GRTP1: variants seen among roughly 807,000 people sequenced by gnomAD.
GRTP1 encodes growth hormone-regulated TBC protein 1.
In GRTP1, 56 loss-of-function variants were observed where a neutral mutation model predicts 38.1. That is an observed-to-expected ratio of 1.47 (90% CI 1.19 to 1.84). The LOEUF is 1.84. Ranked by LOEUF, GRTP1 falls within the 40% of genes most tolerant of loss-of-function variation. The pLI, the probability that GRTP1 is intolerant of heterozygous loss-of-function variation, is 0.00. For synonymous variants in GRTP1, 217 were observed against 189.5 expected, an observed-to-expected ratio of 1.14 and a Z score of -1.19; for missense variants, 506 against 453.9, an observed-to-expected ratio of 1.11 and a Z score of -1.04.
In GRTP1 at chr13:113,342,836, C is replaced by A. The variant is rs1205542166; in HGVS notation, c.562+2027G>T. ...ACTTTCTTTTCTTTTTGAATCCAGA[C>A]CTATTTGCATTGCAGTTTCGTTCAA... On this transcript the variant is annotated intron_variant, in intron 5 of 7. Transcript: ENST00000375431. The surrounding 1 kb of genome is among the most constrained non-coding windows in gnomAD (Gnocchi z 4.5). 6.6e-6 allele frequency among the ~76,000 whole-genome samples: 1 copy of A among 152,142 alleles called. No homozygotes were observed. The highest frequency in any genetic ancestry group is 2.4e-5 in the African/African-American group (1 of 41,426).
At chr13:113,328,096 A>T (rs992838500) in intron 5 of GRTP1, among the ~76,000 whole-genome samples, 2 of 152,196 alleles carry the variant, frequency 1.3e-5, no homozygotes, top group African/African-American at 4.8e-5. Flanking sequence ...GAAGGGGCTC[A>T]TCCCTCAGGC....
rs1720934554 is a variant in GRTP1 at position 113,326,051 on chromosome 13, C to A, written c.603G>T (p.Gln201His). Residue 201 changes from glutamine to histidine, a missense_variant, in exon 6 of 8, where the codon CAG becomes CAT. Transcript: ENST00000375431. ...SPAMLGLKTDQEVLGELVRAK... is the reference protein window; with the variant it reads ...SPAMLGLKTDHEVLGELVRAK... The stretch of plus-strand genomic sequence containing the variant: ...CCCGCACCAGCTCCCCGAGGACCTC[C>A]TGGTCGGTCTTCAGGCCCAGCATGG... 6.8e-6 allele frequency: 11 copies of A among 1,612,468 alleles called. No homozygotes were observed. Among genetic ancestry groups the A allele is most frequent in the Non-Finnish European group, 9.3e-6 (11 of 1,179,966 alleles).
Position 113,343,782 on chromosome 13 carries a change from T to G in GRTP1, c.562+1081A>C, listed in dbSNP as rs962810142. On this transcript the variant is annotated intron_variant, in intron 5 of 7. Transcript: ENST00000375431. The surrounding 1 kb of genome is among the most constrained non-coding windows in gnomAD (Gnocchi z 4.8). ...CCCCCAGGCTCCAAACACTGGGGAC[T>G]GGCCCGGCTGCCCCTCACGTCTCCT... is the stretch of plus-strand genomic sequence containing the variant. Among the ~76,000 whole-genome samples the G allele has an allele frequency of 1.2e-4, 19 of 152,200 alleles. No individual in the cohort carries two copies. Among genetic ancestry groups the G allele is most frequent in the African/African-American group, 4.6e-4 (19 of 41,454 alleles).
At chr13:113,352,289 T>C (rs1243904871) in intron 3 of GRTP1, among the ~76,000 whole-genome samples, 4 of 60,796 alleles carry the variant, frequency 6.6e-5, no homozygotes, top group East Asian at 1.2e-3. Context: ...TATTTATATA[T>C]ATTTATATAT....
Position 113,324,361 on chromosome 13 carries a change from CAACT to C in GRTP1, c.*123_*126del. On this transcript the variant is annotated 3_prime_UTR_variant, in exon 8 of 8. Transcript: ENST00000375431. ...TTAAACTGCTCTTTTAAAAAATTCA[CAACT>C]AAAGTGTAGTGATGTCAAGTATTTA... 1 of 1,317,200 alleles carries C rather than the reference CAACT, an allele frequency of 7.6e-7. No homozygotes were observed. The highest frequency in any genetic ancestry group is 9.8e-7 in the Non-Finnish European group (1 of 1,022,552). 81.6% of individuals were successfully genotyped at this position (1,317,200 alleles called of 1,614,324 possible).
chr13:113,358,363 T>C (rs1192534358), intron 2 of GRTP1, among the ~76,000 whole-genome samples: 2 of 152,310 alleles, frequency 1.3e-5, no homozygotes, highest in Middle Eastern at 3.4e-3. Flanking sequence ...TGTTCACAGA[T>C]TGCAAGGCTC....
intron 4 of GRTP1, 148 bp downstream of exon 4, chr13:113,350,701 A>C: frequency 1.4e-6 from 1 of 716,160 alleles, no homozygotes; most frequent in Non-Finnish European, 2.2e-6. Context: ...CCTGCTGGGA[A>C]ATGGCGTCCG....
At chr13:113,352,678 T>C (rs1363770598) in intron 3 of GRTP1, among the ~76,000 whole-genome samples, 1 of 152,160 alleles carries the variant, frequency 6.6e-6, no homozygotes, top group African/African-American at 2.4e-5. Context: ...ACTAAGTTTC[T>C]TGATATGTTT....
chr13:113,324,809 G>A lies in GRTP1; in HGVS notation c.922-232C>T, dbSNP rs2042734785. On this transcript the variant is annotated intron_variant, in intron 7 of 7. Transcript: ENST00000375431. The stretch of plus-strand genomic sequence containing the variant: ...AAATGAATCAAACGGTGGAAGAAAA[G>A]GCCATCTGCTTCCATTAGACTTTTT... 3.1e-6 allele frequency: 4 copies of A among 1,269,848 alleles called. No individual in the cohort carries two copies. The South Asian group carries it at 7.2e-5, about 23-fold the overall frequency. 78.7% of individuals were successfully genotyped at this position (1,269,848 alleles called of 1,614,324 possible). A position where few individuals can be genotyped will look rare whatever the true frequency, so the allele number is the denominator to read the frequency against.
intron 3 of GRTP1, among the ~76,000 whole-genome samples, chr13:113,351,515 T>C (rs974749627): frequency 7.9e-5 from 12 of 152,220 alleles, no homozygotes; most frequent in Non-Finnish European, 1.8e-4. Context: ...AGCTTGTGTG[T>C]GCAGGAGGCA....
chr13:113,359,942 A>G (rs2043465021), intron 2 of GRTP1: 1 of 152,256 alleles, frequency 6.6e-6, no homozygotes, highest in African/African-American at 2.4e-5. Flanking sequence ...TGTTTGGAGA[A>G]GTATAAAATA....
intron 4 of GRTP1, among the ~76,000 whole-genome samples, chr13:113,350,273 G>A (rs2043237361): frequency 6.6e-6 from 1 of 152,092 alleles, no homozygotes; most frequent in Non-Finnish European, 1.5e-5. Context: ...GCCCAGCTAG[G>A]TGGCCTCCGG....
intron 3 of GRTP1, 36 bp downstream of exon 3, chr13:113,355,287 G>A (rs747259489): frequency 4.4e-6 from 7 of 1,605,824 alleles, no homozygotes; most frequent in South Asian, 1.1e-5. Flanking sequence ...TCCGGCCCCC[G>A]GGCCCTGCAC....
intron 5 of GRTP1, among the ~76,000 whole-genome samples, chr13:113,341,941 T>A (rs1164389967): frequency 1.3e-5 from 2 of 152,136 alleles, no homozygotes. Flanking sequence ...TGTGAGCTAC[T>A]CTGCCCGGCC....
At position 113,355,443 on chromosome 13, in the gene GRTP1, G is replaced by C. The variant is rs201894052; in HGVS notation, c.220C>G (p.Arg74Gly). Reference protein sequence around the residue: ...YVRKGVPLEHRARVWMVLSGA... With the variant: ...YVRKGVPLEHGARVWMVLSGA... Reference sequence around the variant, plus strand: ...CTCAGCACCATCCAGACGCGGGCACGGTGCTCCAGCGGGACCCCTTTCCGG... The same window carrying C: ...CTCAGCACCATCCAGACGCGGGCACCGTGCTCCAGCGGGACCCCTTTCCGG... The change falls in exon 3 of 8, where the codon CGT (arginine) becomes GGT (glycine). Residue 74 changes from arginine (R) to glycine (G), a missense_variant. Transcript: ENST00000375431. 27 of 1,613,610 alleles carry C rather than the reference G, an allele frequency of 1.7e-5. No homozygotes were observed. The Admixed American group carries it at 2.2e-4, about 13-fold the overall frequency.
chr13:113,340,028 A>T (rs2043004829), intron 5 of GRTP1: 1 of 151,984 alleles, frequency 6.6e-6, no homozygotes, highest in Admixed American at 6.6e-5. Flanking sequence ...TCAGTTATTT[A>T]GACAGGGTCT....
intron 5 of GRTP1, among the ~76,000 whole-genome samples, chr13:113,327,441 G>C (rs2042791099): frequency 6.6e-6 from 1 of 151,954 alleles, no homozygotes; most frequent in Admixed American, 6.6e-5. Flanking sequence ...GCCTCCAAAA[G>C]TGCTGGGATT....
At chr13:113,333,649 T>C (rs186732321) in intron 5 of GRTP1, among the ~76,000 whole-genome samples, 29 of 151,564 alleles carry the variant, frequency 1.9e-4, no homozygotes, top group East Asian at 1.8e-3. Context: ...GGATTACAGG[T>C]GTGCACCACC....
chr13:113,337,333 C>A (rs2042967910), intron 5 of GRTP1, among the ~76,000 whole-genome samples: 2 of 152,158 alleles, frequency 1.3e-5, no homozygotes, highest in South Asian at 4.1e-4. Flanking sequence ...TAGCTAAGAT[C>A]TCCGGCTAAA....
Sources: allele counts gnomAD v4.1 joint callset (sites outside exome capture counted in the v4.1 genomes callset), GRCh38; gene constraint gnomAD v4.1.1; non-coding constraint Gnocchi (gnomAD v3.1); transcripts MANE v1.5; gene names NCBI Gene and HGNC (gene_info 2026-07-23, HGNC 2026-07-21).